The following CCDC178 variants were observed in gnomAD, a reference collection of about 807,000 sequenced individuals.
CCDC178 encodes the protein coiled-coil domain-containing protein 178.
In CCDC178, 126 loss-of-function variants were observed where a neutral mutation model predicts 117.4. The ratio of observed to expected loss-of-function variants is 1.07; its 90% CI spans 0.93 to 1.24. CCDC178 has a LOEUF of 1.24. Among genes scored for constraint, CCDC178 ranks in the 50% most tolerant of loss-of-function variants. The pLI is 0.00. For missense variants in CCDC178, 1,030 were observed against 986.9 expected, an observed-to-expected ratio of 1.04 and a Z score of -0.59; for synonymous variants, 283 against 313.4, an observed-to-expected ratio of 0.90 and a Z score of 1.02.
rs76086093 is a variant in CCDC178 at position 33,088,867 on chromosome 18, A to C, written c.2388+3894T>G. Among the ~76,000 whole-genome samples, 439 of 152,274 alleles carry C rather than the reference A, an allele frequency of 2.9e-3. 5 individuals carry two copies. The highest frequency in any genetic ancestry group is 0.01 in the African/African-American group (417 of 41,576). ...ATTTGAACATGAGTAAAGAAAACTA[A>C]GTTCTAGGACAACATTTCTTCTACT... On this transcript the variant is annotated intron_variant, in intron 21 of 22. Transcript: ENST00000383096.
Position 33,412,063 on chromosome 18 carries a change from G to A in CCDC178, c.26C>T (p.Ser9Phe), listed in dbSNP as rs762098156. 1 of 1,508,936 alleles carries A rather than the reference G, an allele frequency of 6.6e-7. No homozygotes were observed. The highest frequency in any genetic ancestry group is 1.2e-5 in the South Asian group (1 of 83,570). The allele number at this position is 1,508,936 out of a possible 1,614,324, so 93.5% of individuals were successfully genotyped here. The change falls in exon 3 of 23, where the codon TCT becomes TTT. Residue 9 changes from serine to phenylalanine, a missense_variant. Transcript: ENST00000383096. ...GGTTTGATCATCTCTAGTGGAAGAA[G>A]AGGAAACTGTCTTGTTTTCAGTCAT... Reference protein sequence around the residue: MTENKTVSSSSTRDDQTNI... With the variant: MTENKTVSFSSTRDDQTNI...
chr18:33,030,806 T>C (rs577759480), intron 21 of CCDC178, among the ~76,000 whole-genome samples: 5 of 152,212 alleles, frequency 3.3e-5, no homozygotes, highest in East Asian at 3.9e-4. Flanking sequence ...GATGTAGATA[T>C]AGATATGAGA....
chr18:33,019,275 G>A (rs1054225941), intron 21 of CCDC178, among the ~76,000 whole-genome samples: 1 of 152,158 alleles, frequency 6.6e-6, no homozygotes, highest in African/African-American at 2.4e-5. Flanking sequence ...AAAGAAAGGT[G>A]GAGGGTACTA....
At chr18:33,178,829 C>T (rs1375302032) in intron 20 of CCDC178, among the ~76,000 whole-genome samples, 3 of 150,840 alleles carry the variant, frequency 2.0e-5, no homozygotes, top group Non-Finnish European at 4.4e-5. Context: ...CTCCATGGGC[C>T]CCTATTTTGA....
At chr18:33,275,579 AGGAAGGGAAGG>A (rs1396629494) in intron 12 of CCDC178, among the ~76,000 whole-genome samples, 1 of 139,904 alleles carries the variant, frequency 7.1e-6, no homozygotes, top group Admixed American at 7.2e-5. Flanking sequence ...CTAAGAGGAA[AGGAAGGGAAGG>A]GGAAGGGAAG....
intron 10 of CCDC178, among the ~76,000 whole-genome samples, chr18:33,326,198 G>A (rs548138945): frequency 1.1e-4 from 16 of 152,312 alleles, no homozygotes; most frequent in African/African-American, 3.6e-4. Flanking sequence ...ACCAGTGGGT[G>A]TGGGTAGCTA....
At chr18:33,419,081 C>T (rs1342729333) in intron 2 of CCDC178, among the ~76,000 whole-genome samples, 3 of 152,096 alleles carry the variant, frequency 2.0e-5, no homozygotes, top group Non-Finnish European at 4.4e-5. Context: ...GGTACTGGTA[C>T]AAAAACAGAG....
intron 15 of CCDC178, among the ~76,000 whole-genome samples, chr18:33,239,540 A>G (rs1365488549): frequency 1.3e-5 from 2 of 151,892 alleles, no homozygotes; most frequent in African/African-American, 4.8e-5. Flanking sequence ...AACAGAAACC[A>G]AAAGTGAGCA....
chr18:33,090,057 G>T (rs462998), intron 21 of CCDC178, among the ~76,000 whole-genome samples: 4 of 152,082 alleles, frequency 2.6e-5, no homozygotes, highest in African/African-American at 9.6e-5. Flanking sequence ...TAAAAGTACA[G>T]GAAAGTATCA....
At chr18:32,985,378 G>T (rs1401820610) in intron 21 of CCDC178, among the ~76,000 whole-genome samples, 1 of 151,936 alleles carries the variant, frequency 6.6e-6, no homozygotes, top group East Asian at 1.9e-4. Flanking sequence ...TCATGGGTCA[G>T]AAAGTATAAG....
Position 33,226,941 on chromosome 18 carries a change from A to G in CCDC178, c.1594-86T>C, listed in dbSNP as rs147687658. 5.1e-4 allele frequency: 298 copies of G among 586,928 alleles called. 1 individual carries two copies. Among genetic ancestry groups the G allele is most frequent in the African/African-American group, 5.0e-3 (258 of 51,672 alleles). 36.4% of individuals were successfully genotyped at this position (586,928 alleles called of 1,614,324 possible). A position where few individuals can be genotyped will look rare whatever the true frequency, so the allele number is the denominator to read the frequency against. The stretch of plus-strand genomic sequence containing the variant: ...TAAAACAATTGCTAATATAAGACAC[A>G]TTTTTAATGTTTCAATATAGAGTAA... On this transcript the variant is annotated intron_variant, in intron 15 of 22. Coordinates refer to ENST00000383096, the MANE Select transcript of CCDC178 (RefSeq NM_001105528.4).
Position 33,403,827 on chromosome 18 carries a change from TG to T in CCDC178, c.59-6620del, listed in dbSNP as rs142488601. Among the ~76,000 whole-genome samples the T allele has an allele frequency of 8.3e-3, 1,270 of 152,276 alleles. 13 individuals are homozygous for T. The highest frequency in any genetic ancestry group is 0.029 in the African/African-American group (1,189 of 41,574). On this transcript the variant is annotated intron_variant, in intron 3 of 22. Coordinates refer to ENST00000383096, the MANE Select transcript of CCDC178 (RefSeq NM_001105528.4). ...GACTAGTTTGAGAGTTAAAAACTTC[TG>T]GGGAGTCAGTATTAGAGGGCCAGGT...
intron 11 of CCDC178, among the ~76,000 whole-genome samples, chr18:33,309,998 C>T (rs2062316084): frequency 6.8e-6 from 1 of 146,792 alleles, no homozygotes; most frequent in Non-Finnish European, 1.5e-5. Context: ...GAGATGGAGT[C>T]TCACTCTGTC....
chr18:33,187,928 G>C (rs769352040), intron 20 of CCDC178, among the ~76,000 whole-genome samples: 11 of 152,110 alleles, frequency 7.2e-5, no homozygotes, highest in Non-Finnish European at 1.6e-4. Flanking sequence ...AACAGTTTCT[G>C]CCTATATTTT....
At chr18:33,271,496 A>G (rs1486063504) in intron 12 of CCDC178, among the ~76,000 whole-genome samples, 1 of 151,590 alleles carries the variant, frequency 6.6e-6, no homozygotes, top group Admixed American at 6.6e-5. Flanking sequence ...GACAAAATAG[A>G]CTTTAGAATA....
chr18:33,246,936 G>A (rs2059556331), intron 14 of CCDC178, among the ~76,000 whole-genome samples: 1 of 151,876 alleles, frequency 6.6e-6, no homozygotes, highest in Non-Finnish European at 1.5e-5. Context: ...ACCATAAATG[G>A]AAGAATTTAA....
intron 20 of CCDC178, among the ~76,000 whole-genome samples, chr18:33,174,958 G>A (rs1283347969): frequency 6.6e-6 from 1 of 152,032 alleles, no homozygotes; most frequent in African/African-American, 2.4e-5. Flanking sequence ...AGGTTCAAGT[G>A]ATTCTCCTGC....
At chr18:33,134,063 A>C (rs2058097876) in intron 20 of CCDC178, among the ~76,000 whole-genome samples, 2 of 151,942 alleles carry the variant, frequency 1.3e-5, no homozygotes, top group South Asian at 4.1e-4. Context: ...GAAAAGAAAA[A>C]AATTTAAAGA....
intron 20 of CCDC178, among the ~76,000 whole-genome samples, chr18:33,133,115 A>G (rs466271): frequency 4.0e-5 from 6 of 151,842 alleles, no homozygotes; most frequent in Non-Finnish European, 5.9e-5. Flanking sequence ...TCTCAAAAGC[A>G]CTGAGAAGAA....
Sources: gnomAD v4.1 joint callset for allele counts (sites outside exome capture counted in the v4.1 genomes callset) on GRCh38, gnomAD v4.1.1 for gene constraint, MANE v1.5 for transcripts, NCBI Gene and HGNC (gene_info 2026-07-23, HGNC 2026-07-21) for gene names.